RAB11FIP4: variants seen among roughly 807,000 people sequenced by gnomAD.
RAB11FIP4 encodes RAB11 family interacting protein 4, also known as rab11 family-interacting protein 4.
RAB11FIP4 carries 23 observed loss-of-function variants against 74.3 expected under a neutral mutation model. The observed-to-expected ratio is 0.31, with a 90% CI of 0.22 to 0.44. RAB11FIP4 has a LOEUF of 0.44. RAB11FIP4 is among the 20% of genes least tolerant of loss of function. The probability of loss-of-function intolerance (pLI) is 1.00; values close to 1 mark genes in which losing one functional copy is unlikely to be tolerated. For missense variants in RAB11FIP4, 630 were observed against 863.9 expected, an observed-to-expected ratio of 0.73 and a Z score of 3.39; for synonymous variants, 360 against 359.9, an observed-to-expected ratio of 1.00 and a Z score of 0.00.
chr17:31,503,407 A>G (rs1270747743), intron 3 of RAB11FIP4, among the ~76,000 whole-genome samples: 1 of 149,656 alleles, frequency 6.7e-6, no homozygotes, highest in Non-Finnish European at 1.5e-5. Context: ...GGACTTCAAT[A>G]TATGAATTTT....
intron 3 of RAB11FIP4, among the ~76,000 whole-genome samples, chr17:31,480,315 C>T (rs1033732603): frequency 4.6e-5 from 7 of 152,014 alleles, no homozygotes; most frequent in South Asian, 2.1e-4. Context: ...TGCCAGGCCT[C>T]GGCCCTGAAG....
chr17:31,499,033 C>T (rs1444807242), intron 3 of RAB11FIP4, among the ~76,000 whole-genome samples: 2 of 152,144 alleles, frequency 1.3e-5, no homozygotes, highest in East Asian at 1.9e-4. Flanking sequence ...CAGGAGAGCC[C>T]TTTATACGCA....
rs975523281 is a variant in RAB11FIP4, at chr17:31,517,197, G to T, written c.337-454G>T. Among the ~76,000 whole-genome samples, 14 of 131,170 alleles carry T rather than the reference G, an allele frequency of 1.1e-4. 1 individual carries two copies. Among genetic ancestry groups the T allele is most frequent in the East Asian group, 5.1e-4 (2 of 3,916 alleles). The allele number at this position is 131,170 out of a possible 152,430, so 86.1% of individuals were successfully genotyped here. On this transcript the variant is annotated intron_variant, in intron 3 of 14. Coordinates refer to ENST00000621161, the MANE Select transcript of RAB11FIP4 (RefSeq NM_032932.6). ...GGGGGGCGAGGAGGCGGTGCGGGGG[G>T]GGGGGCGGTGGGGGGGGCGGGGGGG...
chr17:31,507,258 G>T (rs754356755), intron 3 of RAB11FIP4, among the ~76,000 whole-genome samples: 1 of 152,134 alleles, frequency 6.6e-6, no homozygotes, highest in Non-Finnish European at 1.5e-5. Context: ...CAGCCTGGGC[G>T]ACAGGGTGAG....
chr17:31,521,444 G>T (rs768380779), intron 5 of RAB11FIP4, 84 bp downstream of exon 5: 123 of 1,214,064 alleles, frequency 1.0e-4, no homozygotes, highest in Middle Eastern at 9.1e-4. Context: ...GGGGGTGCGA[G>T]TCCTGAGCTG....
intron 2 of RAB11FIP4, 113 bp downstream of exon 2, chr17:31,432,013 A>G: frequency 2.6e-6 from 2 of 781,274 alleles, no homozygotes; most frequent in Non-Finnish European, 4.2e-6. Context: ...CCCAGAGCCC[A>G]GGATGGGCCA....
intron 3 of RAB11FIP4, among the ~76,000 whole-genome samples, chr17:31,488,639 G>T (rs2071948878): frequency 6.6e-6 from 1 of 152,222 alleles, no homozygotes; most frequent in South Asian, 2.1e-4. Flanking sequence ...GGGGCTGAGC[G>T]CCGCGAAGTT....
rs768200536 is a variant in RAB11FIP4, at chr17:31,521,226, G to A, written c.624G>A (p.Ser208=). The A allele has an allele frequency of 1.4e-5, 23 of 1,613,628 alleles. 1 individual carries two copies. The highest frequency in any genetic ancestry group is 5.3e-5 in the African/African-American group (4 of 74,890). The change falls in exon 5 of 15, where the codon TCG becomes TCA. Residue 208 remains serine, a synonymous_variant. Transcript: ENST00000621161. ...ACCTTTCTACACACTCCACCACCTC[G>A]CTCATCAGCAATGAGGAGCAGTTTG... ...TSDLSTHSTT[S]LISNEEQFED... is the part of the protein sequence containing the mutation.
intron 3 of RAB11FIP4, among the ~76,000 whole-genome samples, chr17:31,484,382 C>G (rs1423377778): frequency 4.1e-5 from 6 of 146,414 alleles, no homozygotes; most frequent in Non-Finnish European, 6.0e-5. Context: ...GACATTGTCT[C>G]TTTAAAAAAA....
At chr17:31,462,498 GA>G (rs1178751571) in intron 3 of RAB11FIP4, among the ~76,000 whole-genome samples, 1 of 152,126 alleles carries the variant, frequency 6.6e-6, no homozygotes, top group African/African-American at 2.4e-5. Flanking sequence ...GGCACAGGGA[GA>G]ACAAGGGACT....
At chr17:31,483,363 T>C (rs2071870039) in intron 3 of RAB11FIP4, among the ~76,000 whole-genome samples, 1 of 152,144 alleles carries the variant, frequency 6.6e-6, no homozygotes, top group South Asian at 2.1e-4. Flanking sequence ...GCAACCTGGC[T>C]CTACTCCTGG....
At chr17:31,483,192 CAAAAAAAAAAAAA>C (rs56720417) in intron 3 of RAB11FIP4, among the ~76,000 whole-genome samples, 3 of 58,556 alleles carry the variant, frequency 5.1e-5, no homozygotes, top group Non-Finnish European at 6.0e-5. Context: ...GACTGCATCT[CAAAAAAAAAAAAA>C]AAAAAAAAAA....
intron 3 of RAB11FIP4, among the ~76,000 whole-genome samples, chr17:31,438,880 G>A (rs1472420589): frequency 6.6e-6 from 1 of 152,156 alleles, no homozygotes; most frequent in Non-Finnish European, 1.5e-5. Context: ...GGGAGGCTGA[G>A]GTGGGAGGAT....
intron 4 of RAB11FIP4, among the ~76,000 whole-genome samples, chr17:31,520,491 GT>G (rs1234427353): frequency 6.6e-6 from 1 of 152,040 alleles, no homozygotes; most frequent in Admixed American, 6.6e-5. Context: ...TACTCCGAAT[GT>G]TTTTTTGTTT....
intron 1 of RAB11FIP4, among the ~76,000 whole-genome samples, chr17:31,399,039 G>C (rs1360703380): frequency 1.3e-5 from 2 of 152,166 alleles, no homozygotes; most frequent in African/African-American, 4.8e-5. Context: ...GCAGGAATAG[G>C]GGTGTTCACA....
intron 3 of RAB11FIP4, chr17:31,488,018 C>G: frequency 2.0e-6 from 2 of 1,010,556 alleles, no homozygotes; most frequent in African/African-American, 1.7e-5. Context: ...GGGGCCCAGG[C>G]GCCTCGTGAT....
chr17:31,513,890 C>T (rs1052238505), intron 3 of RAB11FIP4, among the ~76,000 whole-genome samples: 8 of 152,148 alleles, frequency 5.3e-5, no homozygotes, highest in Admixed American at 6.5e-5. Flanking sequence ...TCCAGGGCAG[C>T]CACTCTCCCA....
intron 3 of RAB11FIP4, among the ~76,000 whole-genome samples, chr17:31,489,787 A>G (rs1047046834): frequency 1.3e-5 from 2 of 152,116 alleles, no homozygotes; most frequent in Non-Finnish European, 2.9e-5. Context: ...TGCAGAAGGC[A>G]GCACCCCTTG....
chr17:31,485,987 G>C (rs1035981012), intron 3 of RAB11FIP4, among the ~76,000 whole-genome samples: 4 of 151,994 alleles, frequency 2.6e-5, no homozygotes, highest in Admixed American at 6.5e-5. Context: ...TGTAATCCTA[G>C]CACTTTGGGA....
Sources: gnomAD v4.1 joint callset for allele counts (sites outside exome capture counted in the v4.1 genomes callset) on GRCh38, gnomAD v4.1.1 for gene constraint, MANE v1.5 for transcripts, NCBI Gene and HGNC (gene_info 2026-07-23, HGNC 2026-07-21) for gene names.